Variants in MAPK6 observed in about 807,000 individuals in gnomAD.
MAPK6 encodes ERK-3.
MAPK6 carries 19 observed loss-of-function variants against 59.3 expected under a neutral mutation model. The observed-to-expected ratio is 0.32, with a 90% CI of 0.22 to 0.47. The LOEUF (loss-of-function observed/expected upper bound fraction) is 0.47. Among genes scored for constraint, MAPK6 ranks in the 20% least tolerant of loss-of-function variants. The pLI is 1.00. For synonymous variants in MAPK6, 316 were observed against 290.3 expected, an observed-to-expected ratio of 1.09 and a Z score of -0.90; for missense variants, 724 against 847.9, an observed-to-expected ratio of 0.85 and a Z score of 1.81.
At chr15:52,000,914 A>G (rs1194787638) in intron 2 of MAPK6, among the ~76,000 whole-genome samples, 1 of 152,076 alleles carries the variant, frequency 6.6e-6, no homozygotes, top group Non-Finnish European at 1.5e-5. Context: ...AGTAGCATAC[A>G]TTGTCCCCAA....
At chr15:51,989,998 C>T (rs2057202984) in intron 2 of MAPK6, among the ~76,000 whole-genome samples, 1 of 152,152 alleles carries the variant, frequency 6.6e-6, no homozygotes, top group Admixed American at 6.5e-5. Context: ...TAGAACCAAG[C>T]ATGAGGAAAA....
intron 1 of MAPK6, among the ~76,000 whole-genome samples, chr15:52,039,829 A>C (rs74013651): frequency 4.5e-4 from 69 of 152,242 alleles, no homozygotes; most frequent in African/African-American, 1.6e-3. Context: ...TTTTGTCTTT[A>C]AATTGGATAC....
Position 52,055,016 on chromosome 15 carries a change from G to A in MAPK6, c.701-3617G>A, listed in dbSNP as rs528613447. Among the ~76,000 whole-genome samples the A allele has an allele frequency of 1.2e-4, 18 of 152,322 alleles. No homozygotes were observed. The South Asian group carries it at 3.7e-3, about 32-fold the overall frequency. ...GCCGGTCTCAAATTCCTGACCTCAG[G>A]TGATCTGTGTGCCTTGGCCTCCCAC... On this transcript the variant is annotated intron_variant, in intron 3 of 5. Transcript: ENST00000261845.
Position 52,065,008 on chromosome 15 carries a change from A to C in MAPK6, c.*8A>C. 1 of 1,587,192 alleles carries C rather than the reference A, an allele frequency of 6.3e-7. No individual in the cohort carries two copies. The highest frequency in any genetic ancestry group is 8.6e-7 in the Non-Finnish European group (1 of 1,163,716). ...CTGAAACATCTGAACTAAAACACTC[A>C]GCAGACATTTATCTTTGTATTCTTC... is the stretch of plus-strand genomic sequence containing the variant. On this transcript the variant is annotated 3_prime_UTR_variant, in exon 6 of 6. Coordinates refer to ENST00000261845, the MANE Select transcript of MAPK6 (RefSeq NM_002748.4).
intron 1 of MAPK6, among the ~76,000 whole-genome samples, chr15:51,980,909 G>T (rs554106880): frequency 5.3e-5 from 8 of 151,418 alleles, no homozygotes; most frequent in African/African-American, 1.7e-4. Flanking sequence ...CTATTTCAAC[G>T]TAGAGCTGAT....
chr15:52,016,070 G>GCGCGCGCGCACACACACACACA, upstream of MAPK6, among the ~76,000 whole-genome samples: 67 of 55,436 alleles, frequency 1.2e-3, no homozygotes, highest in Non-Finnish European at 1.8e-3. Flanking sequence ...GCGCGCGCGC[G>GCGCGCGCGCACACACACACACA]CACACACACA....
chr15:51,975,935 G>A (rs1404706241), intron 1 of MAPK6, among the ~76,000 whole-genome samples: 2 of 151,756 alleles, frequency 1.3e-5, no homozygotes, highest in Admixed American at 6.6e-5. Context: ...GGTGCTATAG[G>A]GATATAAAAA....
intron 2 of MAPK6, among the ~76,000 whole-genome samples, chr15:51,985,634 G>C (rs1420616858): frequency 6.6e-6 from 1 of 151,684 alleles, no homozygotes; most frequent in East Asian, 1.9e-4. Context: ...CAACCTGGGT[G>C]ACAGAGCGAC....
intron 1 of MAPK6, among the ~76,000 whole-genome samples, chr15:52,035,393 G>C (rs2031203853): frequency 6.6e-6 from 1 of 152,182 alleles, no homozygotes; most frequent in South Asian, 2.1e-4. Context: ...CCACCGCTTT[G>C]GGAGGCCGAG....
At chr15:52,063,401 C>A (rs1596016392) in intron 5 of MAPK6, among the ~76,000 whole-genome samples, 1 of 152,162 alleles carries the variant, frequency 6.6e-6, no homozygotes, top group African/African-American at 2.4e-5. Flanking sequence ...TATCTAATCT[C>A]TTTTCTTTTC....
upstream of MAPK6, among the ~76,000 whole-genome samples, chr15:52,018,368 A>T (rs1198870812): frequency 6.6e-6 from 1 of 152,138 alleles, no homozygotes; most frequent in Non-Finnish European, 1.5e-5. Context: ...CTCTTTCTTG[A>T]AGATGCCCAT....
chr15:52,020,570 G>A (rs2030486567), intron 1 of MAPK6, among the ~76,000 whole-genome samples: 1 of 152,104 alleles, frequency 6.6e-6, no homozygotes, highest in Non-Finnish European at 1.5e-5. Flanking sequence ...CTTCTAGCCT[G>A]TCTCTTACAG....
At chr15:51,982,276 C>T (rs1311168956) in intron 1 of MAPK6, among the ~76,000 whole-genome samples, 4 of 152,304 alleles carry the variant, frequency 2.6e-5, no homozygotes, top group South Asian at 2.1e-4. Context: ...ACTATCTCGT[C>T]GGCGGGTGGG....
Position 52,001,509 on chromosome 15 carries a change from CTTTTTT to C in MAPK6, c.-769-2744_-769-2739del, listed in dbSNP as rs71130114. On this transcript the variant is annotated intron_variant, in intron 2 of 7. Coordinates refer to the MAPK6 transcript ENST00000691380. ...TGGTATACCTTTGTCCTTTTCCTTT[CTTTTTT>C]TTTTTTTTTTTCAGATGGAGTCCCA... is the stretch of plus-strand genomic sequence containing the variant. Among the ~76,000 whole-genome samples the C allele has an allele frequency of 3.9e-5, 5 of 128,092 alleles. No individual in the cohort carries two copies. In the Admixed American group the frequency reaches 4.3e-4, roughly 11 times the overall value. 84.0% of individuals were successfully genotyped at this position (128,092 alleles called of 152,430 possible).
chr15:52,047,023 T>C lies in MAPK6; in HGVS notation c.555+8T>C, dbSNP rs989230305. ...CCTCATTATTCCCATAAGGTATGTA[T>C]AGAAAGCCAGCTGAGACAGATCTTT... On this transcript the variant is annotated splice_region_variant and intron_variant, in intron 2 of 5. Transcript: ENST00000261845. 6.5e-7 allele frequency: 1 copy of C among 1,527,142 alleles called. No homozygotes were observed. Among genetic ancestry groups the C allele is most frequent in the Non-Finnish European group, 8.8e-7 (1 of 1,140,134 alleles). The allele number at this position is 1,527,142 out of a possible 1,614,324, so 94.6% of individuals were successfully genotyped here.
chr15:51,989,043 A>G (rs1485262858), intron 2 of MAPK6, among the ~76,000 whole-genome samples: 1 of 151,702 alleles, frequency 6.6e-6, no homozygotes, highest in Non-Finnish European at 1.5e-5. Context: ...GGCCCACCAA[A>G]TAATACAGGA....
At chr15:52,025,554 G>A (rs2030737851) in intron 1 of MAPK6, among the ~76,000 whole-genome samples, 1 of 152,204 alleles carries the variant, frequency 6.6e-6, no homozygotes, top group Non-Finnish European at 1.5e-5. Flanking sequence ...TGTAATGCCA[G>A]CACTTTGGGA....
upstream of MAPK6, chr15:52,017,930 A>T (rs2030323330): frequency 1.3e-5 from 2 of 152,048 alleles, no homozygotes; most frequent in Non-Finnish European, 2.9e-5. Flanking sequence ...GGTTTTTTTC[A>T]CTCATTACCT....
At chr15:52,063,829 A>G in intron 5 of MAPK6, 73 bp from the exon 6 acceptor site, 1 of 1,353,920 alleles carries the variant, frequency 7.4e-7, no homozygotes, top group Non-Finnish European at 1.0e-6. Context: ...GTGCTGTCAC[A>G]TAGAAGGTAC....
Sources: allele counts gnomAD v4.1 joint callset (sites outside exome capture counted in the v4.1 genomes callset), GRCh38; gene constraint gnomAD v4.1.1; transcripts MANE v1.5; gene names NCBI Gene and HGNC (gene_info 2026-07-23, HGNC 2026-07-21).